FAT3: variants seen among roughly 807,000 people sequenced by gnomAD.
FAT3 encodes the protein protocadherin Fat 3.
In FAT3, 95 loss-of-function variants were observed where a neutral mutation model predicts 310.2. The observed-to-expected ratio is 0.31, with a 90% CI of 0.26 to 0.36. The LOEUF (loss-of-function observed/expected upper bound fraction) is 0.36. Among genes scored for constraint, FAT3 ranks in the 10% least tolerant of loss-of-function variants. The pLI is 1.00. For synonymous variants in FAT3, 2,314 were observed against 2,192.9 expected (o/e 1.06, Z -1.54); for missense variants, 5,408 against 5,715.6 (o/e 0.95, Z 1.74).
rs1302505393 is a variant in FAT3, at chr11:92,889,259, T to C, written c.13111+11T>C. ...CTATAGAGAATGAAGGTATTTACTT[T>C]TTTTCTTCCATAGCATTTCTTGAAA... is the stretch of plus-strand genomic sequence containing the variant. On this transcript the variant is annotated intron_variant, in intron 26 of 27. Coordinates refer to ENST00000525166, the MANE Select transcript of FAT3 (RefSeq NM_001367949.2). 2.9e-6 allele frequency: 2 copies of C among 701,018 alleles called. No homozygotes were observed. The highest frequency in any genetic ancestry group is 4.2e-5 in the Admixed American group (2 of 47,698). The allele number at this position is 701,018 out of a possible 1,614,324, so 43.4% of individuals were successfully genotyped here.
intron 2 of FAT3, among the ~76,000 whole-genome samples, chr11:92,396,078 C>T (rs757516469): frequency 6.6e-6 from 1 of 152,172 alleles, no homozygotes; most frequent in Non-Finnish European, 1.5e-5. Context: ...CACATCCAGA[C>T]CCTGTCAATG....
At chr11:92,276,546 G>A (rs545379042) in intron 1 of FAT3, among the ~76,000 whole-genome samples, 23 of 152,212 alleles carry the variant, frequency 1.5e-4, no homozygotes, top group South Asian at 4.1e-4. Context: ...GTTAGCATTC[G>A]TGACACTAGG....
At chr11:92,771,072 A>G (rs1946444127) in intron 6 of FAT3, among the ~76,000 whole-genome samples, 1 of 152,032 alleles carries the variant, frequency 6.6e-6, no homozygotes, top group Non-Finnish European at 1.5e-5. Flanking sequence ...TCTGCCGCAC[A>G]CCCCTGCAGC....
chr11:92,805,407 C>T (rs1947476219), intron 11 of FAT3, 58 bp downstream of exon 11: 15 of 1,515,144 alleles, frequency 9.9e-6, no homozygotes, highest in Non-Finnish European at 1.2e-5. Flanking sequence ...AAAATAAAAA[C>T]CCATTTCACT....
At chr11:92,840,795 T>G (rs920160250) in intron 18 of FAT3, 36 bp downstream of exon 18, 4 of 1,482,352 alleles carry the variant, frequency 2.7e-6, no homozygotes, top group Non-Finnish European at 3.6e-6. Context: ...CGTGCTGTCT[T>G]TCTTTCTCAT....
intron 2 of FAT3, among the ~76,000 whole-genome samples, chr11:92,401,204 G>A (rs1231851493): frequency 6.6e-6 from 1 of 152,184 alleles, no homozygotes; most frequent in East Asian, 1.9e-4. Context: ...ACTGAGTGCA[G>A]GCTAGTGGGA....
intron 2 of FAT3, among the ~76,000 whole-genome samples, chr11:92,411,102 A>T (rs1218748096): frequency 5.4e-5 from 2 of 37,246 alleles, no homozygotes; most frequent in Non-Finnish European, 1.4e-4. Context: ...TATATATATT[A>T]TATATAAAAA....
rs928231762 is a variant in FAT3, at chr11:92,493,634, C to G, written c.3293-31000C>G. Among the ~76,000 whole-genome samples, 7 of 152,158 alleles carry G rather than the reference C, an allele frequency of 4.6e-5. No homozygotes were observed. The South Asian group carries it at 1.2e-3, about 27-fold the overall frequency. ...TGTCACATAGCACTTGTAATACTTA[C>G]AGTGTGTGTCCCCAGCAAGATTTTT... is the stretch of plus-strand genomic sequence containing the variant. On this transcript the variant is annotated intron_variant, in intron 2 of 27. Transcript: ENST00000525166.
chr11:92,880,317 C>T (rs1345502741), intron 22 of FAT3, among the ~76,000 whole-genome samples: 1 of 146,784 alleles, frequency 6.8e-6, no homozygotes, highest in African/African-American at 2.5e-5. Flanking sequence ...GGAGAAGGGG[C>T]ACACGAGATA....
chr11:92,731,198 T>A (rs1386320926), intron 4 of FAT3, among the ~76,000 whole-genome samples: 1 of 152,208 alleles, frequency 6.6e-6, no homozygotes, highest in African/African-American at 2.4e-5. Context: ...TTCCAGTTAC[T>A]CTCAAACCTG....
intron 1 of FAT3, among the ~76,000 whole-genome samples, chr11:92,267,930 C>A (rs1284088248): frequency 6.6e-6 from 1 of 151,842 alleles, no homozygotes; most frequent in Non-Finnish European, 1.5e-5. Flanking sequence ...AATGAAGTAG[C>A]GCTTTGTCTT....
chr11:92,801,523 G>A lies in FAT3; in HGVS notation c.8510G>A (p.Arg2837Lys). The change falls in exon 10 of 28, where the codon AGA becomes AAA. Residue 2837 changes from arginine to lysine, a missense_variant. This residue lies in a region of FAT3 where 4,588 missense variants were observed against 4,809.8 expected (regional missense o/e 0.95). Transcript: ENST00000525166. ...GTTGGCACCAAACTCACACAAGTGA[G>A]AGCTATTGATATGGACTGGGGAGCC... is the stretch of plus-strand genomic sequence containing the variant. ...MPVGTKLTQV[R>K]AIDMDWGANG... 1 of 1,610,190 alleles carries A rather than the reference G, an allele frequency of 6.2e-7. No individual in the cohort carries two copies. The highest frequency in any genetic ancestry group is 1.7e-5 in the Admixed American group (1 of 59,244).
At chr11:92,271,059 G>T (rs1452966153) in intron 1 of FAT3, among the ~76,000 whole-genome samples, 1 of 151,982 alleles carries the variant, frequency 6.6e-6, no homozygotes, top group Non-Finnish European at 1.5e-5. Flanking sequence ...TCTCTCCCTT[G>T]TGTTCCTGCA....
intron 14 of FAT3, among the ~76,000 whole-genome samples, chr11:92,832,702 G>T (rs1948298206): frequency 6.6e-6 from 1 of 152,114 alleles, no homozygotes; most frequent in Admixed American, 6.5e-5. Flanking sequence ...GTTTGATGTT[G>T]TTGGGTTTTT....
intron 2 of FAT3, among the ~76,000 whole-genome samples, chr11:92,488,450 G>GCCACCGCCCCCCCCC (rs1467231982): frequency 1.1e-4 from 1 of 9,334 alleles, no homozygotes; most frequent in African/African-American, 1.9e-4. Context: ...AACTAGCACC[G>GCCACCGCCCCCCCCC]CCCCCCCCCC....
chr11:92,513,100 C>G (rs534268148), intron 2 of FAT3, among the ~76,000 whole-genome samples: 2 of 141,352 alleles, frequency 1.4e-5, no homozygotes, highest in African/African-American at 5.4e-5. Context: ...CCAGCCTGGG[C>G]GACAGAGCTA....
intron 1 of FAT3, among the ~76,000 whole-genome samples, chr11:92,240,196 A>G (rs1864617388): frequency 6.6e-6 from 1 of 152,034 alleles, no homozygotes; most frequent in African/African-American, 2.4e-5. Context: ...TTTTAGTTTT[A>G]CATTTTTTTC....
intron 4 of FAT3, among the ~76,000 whole-genome samples, chr11:92,737,548 A>T (rs776280377): frequency 6.9e-4 from 104 of 150,258 alleles, no homozygotes; most frequent in African/African-American, 1.1e-3. Context: ...TGTGTGTGTG[A>T]GAGAGAGAGA....
intron 3 of FAT3, among the ~76,000 whole-genome samples, chr11:92,652,086 C>T (rs1591566609): frequency 6.6e-6 from 1 of 152,154 alleles, no homozygotes; most frequent in African/African-American, 2.4e-5. Context: ...CTCAGCAACC[C>T]CAGGAAGGAG....
Sources: allele counts gnomAD v4.1 joint callset (sites outside exome capture counted in the v4.1 genomes callset), GRCh38; gene constraint gnomAD v4.1.1; regional missense constraint gnomAD v4.1.1; transcripts MANE v1.5; gene names NCBI Gene and HGNC (gene_info 2026-07-23, HGNC 2026-07-21).